PKD1: variants seen among roughly 807,000 people sequenced by gnomAD.
The protein encoded by PKD1 is polycystin-1.
PKD1 carries 81 observed loss-of-function variants against 361.7 expected under a neutral mutation model. That is an observed-to-expected ratio of 0.22 (90% CI 0.19 to 0.27). PKD1 has a LOEUF of 0.27. Ranked by LOEUF, PKD1 falls within the 10% of genes least tolerant of loss-of-function variation. The pLI, the probability that PKD1 is intolerant of heterozygous loss-of-function variation, is 1.00. For missense variants in PKD1, 6,399 were observed against 6,118.3 expected, an observed-to-expected ratio of 1.05 and a Z score of -1.53; for synonymous variants, 3,615 against 2,818.3, an observed-to-expected ratio of 1.28 and a Z score of -8.95.
intron 32 of PKD1, 71 bp from the exon 33 acceptor site, chr16:2,097,574 G>C: frequency 6.2e-7 from 1 of 1,604,480 alleles, no homozygotes; most frequent in East Asian, 2.2e-5. Flanking sequence ...GTCCAGTCAC[G>C]CACGGACACC....
At chr16:2,135,376 G>A (rs1421655272) in intron 1 of PKD1, 99 bp downstream of exon 1, 13 of 1,066,062 alleles carry the variant, frequency 1.2e-5, no homozygotes, top group Non-Finnish European at 1.5e-5. Context: ...CCCTGGGAGC[G>A]TCCTGGCCCG....
At chr16:2,092,919 C>G (rs1373019386) in intron 38 of PKD1, 35 bp downstream of exon 38, 2 of 1,612,264 alleles carry the variant, frequency 1.2e-6, no homozygotes, top group South Asian at 1.1e-5. Context: ...AAAACTAAAG[C>G]CCAGAAGACA....
rs1180666641 is a variant in PKD1, at chr16:2,091,021, G to C, written c.11866C>G (p.Leu3956Val). 6.5e-7 allele frequency: 1 copy of C among 1,532,588 alleles called. No homozygotes were observed. Among genetic ancestry groups the C allele is most frequent in the Non-Finnish European group, 8.7e-7 (1 of 1,145,110 alleles). 94.9% of individuals were successfully genotyped at this position (1,532,588 alleles called of 1,614,324 possible). A position where few individuals can be genotyped will look rare whatever the true frequency, so the allele number is the denominator to read the frequency against. The change falls in exon 43 of 46, where the codon CTG becomes GTG. Residue 3956 changes from leucine (L) to valine (V), a missense_variant. Physicochemically the swap from Leu to Val is conservative, Grantham distance 32. Transcript: ENST00000262304. ...AATALVRLAQ[L>V]GAADRQWTRF... ...GTCCACTGGCGGTCAGCGGCACCCA[G>C]CTGGGCGAGGCGTACCAGTGCCGTG...
At chr16:2,113,092 G>A (rs2092561104) in intron 12 of PKD1, 69 bp downstream of exon 12, 15 of 1,022,076 alleles carry the variant, frequency 1.5e-5, no homozygotes, top group Admixed American at 5.9e-5. Flanking sequence ...AGAAGGCAGA[G>A]GTGAAGGTGG....
In PKD1 at chr16:2,116,923, C is replaced by T. The variant is rs1293926730; in HGVS notation, c.1516G>A (p.Glu506Lys). The change falls in exon 7 of 46, where the codon GAG (glutamate) becomes AAG (lysine). Residue 506 changes from glutamate (E) to lysine (K), a missense_variant. Coordinates refer to ENST00000262304, the MANE Select transcript of PKD1 (RefSeq NM_001009944.3). ...LPGEPHPATAEHCVRLGPTGW... is the reference protein window; with the variant it reads ...LPGEPHPATAKHCVRLGPTGW... ...GTGGGCCCGAGCCGGACGCAGTGCT[C>T]GGCTGTGGCTGGGTGTGGCTCCCCG... 1.1e-5 allele frequency: 16 copies of T among 1,518,860 alleles called. No homozygotes were observed. Among genetic ancestry groups the T allele is most frequent in the Admixed American group, 1.9e-5 (1 of 52,318 alleles). The allele number at this position is 1,518,860 out of a possible 1,614,324, so 94.1% of individuals were successfully genotyped here.
In PKD1 at chr16:2,103,252, C is replaced by G. The variant is rs893796816; in HGVS notation, c.8791+14G>C. ...AGGCCAGGGGGCCGCGTGTGCCCCACCCGCTGCACGCACCGTCCAGCAGCG... is the reference window on the plus strand; with the variant it reads ...AGGCCAGGGGGCCGCGTGTGCCCCAGCCGCTGCACGCACCGTCCAGCAGCG... On this transcript the variant is annotated intron_variant, in intron 23 of 45. Coordinates refer to ENST00000262304, the MANE Select transcript of PKD1 (RefSeq NM_001009944.3). The G allele has an allele frequency of 6.2e-7, 1 of 1,609,022 alleles. No homozygotes were observed. The highest frequency in any genetic ancestry group is 8.5e-7 in the Non-Finnish European group (1 of 1,179,136).
At position 2,092,997 on chromosome 16, in the gene PKD1, T is replaced by C; in HGVS notation, c.11113A>G (p.Ile3705Val). The C allele has an allele frequency of 6.2e-7, 1 of 1,612,930 alleles. No individual in the cohort carries two copies. Among genetic ancestry groups the C allele is most frequent in the Middle Eastern group, 1.6e-4 (1 of 6,062 alleles). ...GCCCGGCTGTGCAGCTCCTGCTTGA[T>C]GGCGCTTTGCAGACGGTAGGCGTGC... ...HGHAYRLQSA[I>V]KQELHSRAFL... Residue 3705 changes from isoleucine to valine, a missense_variant, in exon 38 of 46, where the codon ATC (isoleucine) becomes GTC (valine). Coordinates refer to ENST00000262304, the MANE Select transcript of PKD1 (RefSeq NM_001009944.3).
Position 2,091,086 on chromosome 16 carries a change from C to G in PKD1, c.11801G>C (p.Gly3934Ala), listed in dbSNP as rs771855838. 8 of 1,507,778 alleles carry G rather than the reference C, an allele frequency of 5.3e-6. No homozygotes were observed. The highest frequency in any genetic ancestry group is 2.3e-4 in the Middle Eastern group (1 of 4,438). The allele number at this position is 1,507,778 out of a possible 1,614,324, so 93.4% of individuals were successfully genotyped here. ...REGRWRVLRLGAWARWLLVAL... is the reference protein window; with the variant it reads ...REGRWRVLRLAAWARWLLVAL... ...CACCAGCAGCCACCGCGCCCAGGCT[C>G]CGAGCCGCAGCACGCGCCAGCGCCC... The change falls in exon 43 of 46, where the codon GGA (glycine) becomes GCA (alanine). Residue 3934 changes from glycine to alanine, a missense_variant. Physicochemically the swap from Gly to Ala is moderately conservative, Grantham distance 60. Coordinates refer to ENST00000262304, the MANE Select transcript of PKD1 (RefSeq NM_001009944.3).
chr16:2,106,036 G>T lies in PKD1; in HGVS notation c.7704-12C>A, dbSNP rs747243656. On this transcript the variant is annotated splice_polypyrimidine_tract_variant and intron_variant, in intron 19 of 45. Coordinates refer to ENST00000262304, the MANE Select transcript of PKD1 (RefSeq NM_001009944.3). The surrounding 1 kb of genome is among the most constrained non-coding windows in gnomAD (Gnocchi z 6.5). The stretch of plus-strand genomic sequence containing the variant: ...TGATGGCCAAAGACCTACGAGCAGA[G>T]GGGGGTGGTGAGCAGGTGGCAGTCT... The T allele has an allele frequency of 1.9e-6, 3 of 1,606,182 alleles. No homozygotes were observed. Among genetic ancestry groups the T allele is most frequent in the East Asian group, 2.2e-5 (1 of 44,856 alleles).
chr16:2,125,679 T>C (rs2092788777), intron 1 of PKD1, among the ~76,000 whole-genome samples: 1 of 151,634 alleles, frequency 6.6e-6, no homozygotes, highest in South Asian at 2.1e-4. Context: ...CTGTGGGGTG[T>C]AGGAAGGAGA....
Position 2,112,322 on chromosome 16 carries a change from C to T in PKD1, c.3295+18G>A, listed in dbSNP as rs761231898. On this transcript the variant is annotated intron_variant, in intron 14 of 45. Coordinates refer to ENST00000262304, the MANE Select transcript of PKD1 (RefSeq NM_001009944.3). ...AGAGCCTGAAAGGCAGTGGCCCCCTCACCCCCTCATCCCTCACCTGGGGCA... is the reference window on the plus strand; with the variant it reads ...AGAGCCTGAAAGGCAGTGGCCCCCTTACCCCCTCATCCCTCACCTGGGGCA... The T allele has an allele frequency of 2.5e-6, 4 of 1,583,054 alleles. No individual in the cohort carries two copies. In the Admixed American group the frequency reaches 5.1e-5, roughly 20 times the overall value.
Position 2,090,066 on chromosome 16 carries a change from G to A in PKD1, c.12573C>T (p.Ser4191=), listed in dbSNP as rs1278720724. The A allele has an allele frequency of 2.5e-6, 4 of 1,610,578 alleles. No homozygotes were observed. The highest frequency in any genetic ancestry group is 3.4e-6 in the Non-Finnish European group (4 of 1,178,564). Residue 4191 remains serine, a synonymous_variant, in exon 46 of 46, where the codon TCC becomes TCT. Transcript: ENST00000262304. The part of the protein sequence containing the change: ...GSDASHPSTS[S]SQLDGLSVSL... ...TCACGCTCAGCCCATCCAGCTGGCT[G>A]GAGGAGGTGGAGGGGTGCGAGGCAT...
chr16:2,132,515 C>T (rs1199077545), intron 1 of PKD1, among the ~76,000 whole-genome samples: 2 of 137,728 alleles, frequency 1.5e-5, no homozygotes, highest in Admixed American at 1.6e-4. Flanking sequence ...TCGGAGGTTG[C>T]GGTGAGCTGA....
Position 2,090,277 on chromosome 16 carries a change from G to T in PKD1, c.12444+8C>A. 1 of 1,608,594 alleles carries T rather than the reference G, an allele frequency of 6.2e-7. No homozygotes were observed. The highest frequency in any genetic ancestry group is 1.1e-5 in the South Asian group (1 of 90,718). ...GTGTCCCTCTCCCCCCCACTGGGCC[G>T]TACCCACCTCCTTGACCTTGCTGAG... On this transcript the variant is annotated splice_region_variant and intron_variant, in intron 45 of 45. Coordinates refer to ENST00000262304, the MANE Select transcript of PKD1 (RefSeq NM_001009944.3).
In PKD1 at chr16:2,088,819, C is replaced by G; in HGVS notation, c.*908G>C. On this transcript the variant is annotated 3_prime_UTR_variant, in exon 46 of 46. Transcript: ENST00000262304. ...CAGAAGTGGTACACAGAAGCAGGCACAGCCAGCTCCGAGGGCCTTGAGGCT... is the reference window on the plus strand; with the variant it reads ...CAGAAGTGGTACACAGAAGCAGGCAGAGCCAGCTCCGAGGGCCTTGAGGCT... 7.4e-6 allele frequency: 5 copies of G among 675,104 alleles called. No homozygotes were observed. The highest frequency in any genetic ancestry group is 5.7e-5 in the South Asian group (3 of 52,210). 41.8% of individuals were successfully genotyped at this position (675,104 alleles called of 1,614,324 possible).
chr16:2,093,480 C>T (rs2091695644), intron 37 of PKD1, 64 bp downstream of exon 37: 2 of 1,440,992 alleles, frequency 1.4e-6, no homozygotes, highest in South Asian at 2.5e-5. Context: ...GTCCTGCGTG[C>T]ATGGGTGGGA....
intron 38 of PKD1, 21 bp downstream of exon 38, chr16:2,092,933 C>G: frequency 6.2e-7 from 1 of 1,612,854 alleles, no homozygotes; most frequent in Non-Finnish European, 8.5e-7. Context: ...GAAGACAGAC[C>G]AGTGCACCGG....
intron 39 of PKD1, 78 bp downstream of exon 39, chr16:2,092,402 G>A: frequency 2.7e-6 from 3 of 1,091,702 alleles, no homozygotes; most frequent in South Asian, 2.6e-5. Flanking sequence ...GAGCAGGGCT[G>A]ATGCCAGAGC....
chr16:2,094,224 T>C lies in PKD1; in HGVS notation c.10500-14A>G, dbSNP rs763392122. On this transcript the variant is annotated splice_polypyrimidine_tract_variant and intron_variant, in intron 34 of 45. Transcript: ENST00000262304. Reference sequence around the variant, plus strand: ...GGAGTGCTGGACCTGAGGGACATGGTAGGCTGTGAATTCATCCCGGCCTCC... The same window carrying C: ...GGAGTGCTGGACCTGAGGGACATGGCAGGCTGTGAATTCATCCCGGCCTCC... 11 of 1,504,192 alleles carry C rather than the reference T, an allele frequency of 7.3e-6. 1 individual carries two copies. The South Asian group carries it at 9.1e-5, about 12-fold the overall frequency. 93.2% of individuals were successfully genotyped at this position (1,504,192 alleles called of 1,614,324 possible).
Sources: allele counts gnomAD v4.1 joint callset (sites outside exome capture counted in the v4.1 genomes callset), GRCh38; gene constraint gnomAD v4.1.1; non-coding constraint Gnocchi (gnomAD v3.1); transcripts MANE v1.5; gene names NCBI Gene and HGNC (gene_info 2026-07-23, HGNC 2026-07-21).